The following UPF2 variants were observed in gnomAD, a reference collection of about 807,000 sequenced individuals.
UPF2 encodes UPF2 regulator of nonsense mediated mRNA decay, also known as regulator of nonsense transcripts 2.
Under a neutral mutation model 141.4 loss-of-function variants are expected in UPF2, and 17 were observed. That is an observed-to-expected ratio of 0.12 (90% CI 0.08 to 0.18). The LOEUF (loss-of-function observed/expected upper bound fraction) is 0.18. Ranked by LOEUF, UPF2 falls within the 10% of genes least tolerant of loss-of-function variation. The pLI is 1.00. For synonymous variants in UPF2, 540 were observed against 498.0 expected (o/e 1.08, Z -1.12); for missense variants, 1,152 against 1,515.9 (o/e 0.76, Z 3.99).
chr10:11,963,355 C>CATTCATTCATTCATTCATTCATTT (rs369200355), intron 11 of UPF2, among the ~76,000 whole-genome samples: 2 of 152,126 alleles, frequency 1.3e-5, no homozygotes, highest in Non-Finnish European at 2.9e-5. Context: ...TTCATTCATT[C>CATTCATTCATTCATTCATTCATTT]GAGACAGGGT....
intron 21 of UPF2, among the ~76,000 whole-genome samples, chr10:11,922,049 G>GGGAAAAGGCCACGTGAA (rs1333458956): frequency 2.6e-5 from 4 of 152,148 alleles, no homozygotes; most frequent in Non-Finnish European, 5.9e-5. Flanking sequence ...CACACACAGG[G>GGGAAAAGGCCACGTGAA]GGAAAAGGCC....
In UPF2 at chr10:11,979,297, T is replaced by G; in HGVS notation, c.1845-132A>C. 1 of 551,266 alleles carries G rather than the reference T, an allele frequency of 1.8e-6. No individual in the cohort carries two copies. Among genetic ancestry groups the G allele is most frequent in the Non-Finnish European group, 3.1e-6 (1 of 321,192 alleles). 34.1% of individuals were successfully genotyped at this position (551,266 alleles called of 1,614,324 possible). A position where few individuals can be genotyped will look rare whatever the true frequency, so the allele number is the denominator to read the frequency against. On this transcript the variant is annotated intron_variant, in intron 8 of 21. Coordinates refer to ENST00000357604, the MANE Select transcript of UPF2 (RefSeq NM_015542.4). This position sits in a 1 kb window ranked among gnomAD's most constrained non-coding sequence, Gnocchi z 6.2. ...CTCATAATCATACAGACATGCCTAT[T>G]TATTGCCATCATAAAGAAGTGTTTG...
At chr10:11,967,707 A>G (rs1833345228) in intron 9 of UPF2, among the ~76,000 whole-genome samples, 1 of 150,986 alleles carries the variant, frequency 6.6e-6, no homozygotes, top group Non-Finnish European at 1.5e-5. Context: ...CCACCACCAC[A>G]CCCAGCTGGG....
intron 6 of UPF2, among the ~76,000 whole-genome samples, chr10:12,001,421 A>T (rs922833604): frequency 1.3e-5 from 2 of 152,200 alleles, no homozygotes; most frequent in African/African-American, 4.8e-5. Context: ...TTTCAGAAAA[A>T]AAAATAAAAT....
intron 9 of UPF2, among the ~76,000 whole-genome samples, chr10:11,977,345 G>A (rs1460469771): frequency 1.3e-5 from 2 of 152,176 alleles, no homozygotes; most frequent in Non-Finnish European, 2.9e-5. Context: ...AGGTGATCAA[G>A]TTTGTAGAGT....
intron 8 of UPF2, among the ~76,000 whole-genome samples, chr10:11,995,222 A>G (rs1319819959): frequency 6.6e-6 from 1 of 152,188 alleles, no homozygotes; most frequent in African/African-American, 2.4e-5. Flanking sequence ...CCCAGATAAA[A>G]GCAGAAAGCA....
chr10:11,991,964 G>C (rs934453502), intron 8 of UPF2, among the ~76,000 whole-genome samples: 1 of 152,162 alleles, frequency 6.6e-6, no homozygotes, highest in Non-Finnish European at 1.5e-5. Context: ...TGGCCAACAT[G>C]ATGAAACCCT....
rs3740024 is a variant in UPF2 at position 11,979,013 on chromosome 10, G to A, written c.1953+44C>T. The stretch of plus-strand genomic sequence containing the variant: ...CATTCTTAAAGAATCCTCACTCAAC[G>A]TATAAGAATATAAATATTTCAAAAT... On this transcript the variant is annotated intron_variant, in intron 9 of 21. Coordinates refer to ENST00000357604, the MANE Select transcript of UPF2 (RefSeq NM_015542.4). The surrounding 1 kb of genome is among the most constrained non-coding windows in gnomAD (Gnocchi z 6.2). 3.6e-4 allele frequency: 512 copies of A among 1,435,400 alleles called. 2 individuals are homozygous for A. In the East Asian group the frequency reaches 0.011, roughly 30 times the overall value. 88.9% of individuals were successfully genotyped at this position (1,435,400 alleles called of 1,614,324 possible).
At position 11,921,105 on chromosome 10, in the gene UPF2, A is replaced by C; in HGVS notation, c.*193T>G. 1 of 809,126 alleles carries C rather than the reference A, an allele frequency of 1.2e-6. No homozygotes were observed. The highest frequency in any genetic ancestry group is 1.3e-5 in the South Asian group (1 of 74,394). 50.1% of individuals were successfully genotyped at this position (809,126 alleles called of 1,614,324 possible). A position where few individuals can be genotyped will look rare whatever the true frequency, so the allele number is the denominator to read the frequency against. On this transcript the variant is annotated 3_prime_UTR_variant, in exon 22 of 22. Transcript: ENST00000357604. The surrounding 1 kb of genome is among the most constrained non-coding windows in gnomAD (Gnocchi z 5.9). ...AAAAGGCCTTTTCCGCCTTGTCTGG[A>C]AGCGTCGGCTTGTTCCGGTGTTGGC...
intron 3 of UPF2, among the ~76,000 whole-genome samples, chr10:12,022,822 T>C (rs1834341809): frequency 6.6e-6 from 1 of 152,214 alleles, no homozygotes; most frequent in South Asian, 2.1e-4. Flanking sequence ...CAGTCAATAA[T>C]GCCTCAAGAA....
intron 18 of UPF2, among the ~76,000 whole-genome samples, chr10:11,941,280 A>C (rs556633938): frequency 6.6e-6 from 1 of 152,296 alleles, no homozygotes; most frequent in East Asian, 1.9e-4. Flanking sequence ...GAAGTAAACT[A>C]TTCTCTCCTC....
intron 21 of UPF2, among the ~76,000 whole-genome samples, chr10:11,929,406 G>A (rs1384615181): frequency 6.6e-6 from 1 of 152,160 alleles, no homozygotes; most frequent in South Asian, 2.1e-4. Flanking sequence ...GAACAGCCAC[G>A]TGGGCAGATG....
In UPF2 at chr10:11,956,202, C is replaced by T. The variant is rs1833147775; in HGVS notation, c.2574+118G>A. The T allele has an allele frequency of 1.1e-6, 1 of 913,796 alleles. No homozygotes were observed. Among genetic ancestry groups the T allele is most frequent in the African/African-American group, 1.7e-5 (1 of 58,166 alleles). 56.6% of individuals were successfully genotyped at this position (913,796 alleles called of 1,614,324 possible). On this transcript the variant is annotated intron_variant, in intron 13 of 21. Coordinates refer to ENST00000357604, the MANE Select transcript of UPF2 (RefSeq NM_015542.4). This position sits in a 1 kb window ranked among gnomAD's most constrained non-coding sequence, Gnocchi z 4.2. ...CAGGAAATTCTTATAAAATGATTAT[C>T]AGCTTTTTCTAACTAATAAATTTAC...
At position 11,998,440 on chromosome 10, in the gene UPF2, T is replaced by C. The variant is rs1833898801; in HGVS notation, c.1759-683A>G. On this transcript the variant is annotated intron_variant, in intron 7 of 21. Transcript: ENST00000357604. This position sits in a 1 kb window ranked among gnomAD's most constrained non-coding sequence, Gnocchi z 4.5. Reference sequence around the variant, plus strand: ...CTCTGTCACCCAGGCTGGGGTGCAGTGGCACAATCATGGCTCACTGCAGCC... The same window carrying C: ...CTCTGTCACCCAGGCTGGGGTGCAGCGGCACAATCATGGCTCACTGCAGCC... Among the ~76,000 whole-genome samples, 1 of 152,146 alleles carries C rather than the reference T, an allele frequency of 6.6e-6. No individual in the cohort carries two copies. Among genetic ancestry groups the C allele is most frequent in the Admixed American group, 6.5e-5 (1 of 15,272 alleles).
chr10:11,956,485 T>C lies in UPF2; in HGVS notation c.2409A>G (p.Gln803=), dbSNP rs755210974. The C allele has an allele frequency of 5.0e-6, 8 of 1,613,968 alleles. No homozygotes were observed. In the South Asian group the frequency reaches 8.8e-5, roughly 18 times the overall value. ...RQMRKLPWQD[Q]EVKDYVICCM... ...AACAAATAACATAGTCTTTCACTTC[T>C]TGGTCCTGCCAGGGCAGCTTTCGCA... Residue 803 remains glutamine (Q), a synonymous_variant, in exon 13 of 22, where the codon CAA becomes CAG. Coordinates refer to ENST00000357604, the MANE Select transcript of UPF2 (RefSeq NM_015542.4). This position sits in a 1 kb window ranked among gnomAD's most constrained non-coding sequence, Gnocchi z 4.2.
At position 11,926,608 on chromosome 10, in the gene UPF2, A is replaced by G. The variant is rs555724021; in HGVS notation, c.3809+3257T>C. 2.0e-4 allele frequency among the ~76,000 whole-genome samples: 31 copies of G among 152,358 alleles called. No individual in the cohort carries two copies. In the South Asian group the frequency reaches 6.2e-3, roughly 31 times the overall value. On this transcript the variant is annotated intron_variant, in intron 21 of 21. Coordinates refer to ENST00000357604, the MANE Select transcript of UPF2 (RefSeq NM_015542.4). ...GGAGAACAAGGAGGGCCTACAATGC[A>G]AAGTGCTGCTGAGATGAGGCCAAGA... is the stretch of plus-strand genomic sequence containing the variant.
intron 9 of UPF2, among the ~76,000 whole-genome samples, chr10:11,972,577 C>T (rs958991529): frequency 2.0e-5 from 3 of 152,166 alleles, no homozygotes; most frequent in African/African-American, 7.2e-5. Context: ...GTGCCCCTCC[C>T]TGTGTCCAAG....
chr10:12,032,555 C>T (rs1466912952), intron 2 of UPF2, among the ~76,000 whole-genome samples: 2 of 151,590 alleles, frequency 1.3e-5, no homozygotes, highest in African/African-American at 2.4e-5. Flanking sequence ...CTGGGCAACA[C>T]AGCAAAACCC....
intron 18 of UPF2, among the ~76,000 whole-genome samples, chr10:11,938,853 G>GTTTTTTTGTTTTTT (rs1832890068): frequency 1.3e-5 from 1 of 79,814 alleles, no homozygotes; most frequent in African/African-American, 5.0e-5. Flanking sequence ...TTTTTTTTTT[G>GTTTTTTTGTTTTTT]TTTTTTTTTT....
Sources: gnomAD v4.1 joint callset for allele counts (sites outside exome capture counted in the v4.1 genomes callset) on GRCh38, gnomAD v4.1.1 for gene constraint, Gnocchi (gnomAD v3.1) non-coding constraint, MANE v1.5 for transcripts, NCBI Gene and HGNC (gene_info 2026-07-23, HGNC 2026-07-21) for gene names.